CCDC144A: variants seen among roughly 807,000 people sequenced by gnomAD.
CCDC144A encodes the protein coiled-coil domain containing 144A.
CCDC144A carries 41 observed loss-of-function variants against 143.8 expected under a neutral mutation model. The ratio of observed to expected loss-of-function variants is 0.29; its 90% CI spans 0.22 to 0.37. CCDC144A has a LOEUF of 0.37. CCDC144A is among the 10% of genes least tolerant of loss of function. CCDC144A has a pLI of 1.00. For missense variants in CCDC144A, 637 were observed against 1,488.8 expected, an observed-to-expected ratio of 0.43 and a Z score of 9.41; for synonymous variants, 242 against 517.9, an observed-to-expected ratio of 0.47 and a Z score of 7.23.
intron 12 of CCDC144A, among the ~76,000 whole-genome samples, chr17:16,759,017 C>T (rs1208589415): frequency 1.3e-5 from 2 of 152,238 alleles, no homozygotes; most frequent in South Asian, 4.1e-4. Flanking sequence ...ATTTGAGGCA[C>T]CACCTTAAAT....
chr17:16,711,368 T>C (rs1280472844), intron 5 of CCDC144A, among the ~76,000 whole-genome samples: 2 of 151,824 alleles, frequency 1.3e-5, no homozygotes. Context: ...TAATACATAG[T>C]AAAGGGTGGT....
Position 16,774,854 on chromosome 17 carries a change from C to T in CCDC144A, c.*1221C>T, listed in dbSNP as rs558075816. On this transcript the variant is annotated 3_prime_UTR_variant, in exon 17 of 17. Coordinates refer to ENST00000399273, the MANE Select transcript of CCDC144A (RefSeq NM_001382000.1). ...CATTAGCTGTTCTTCACGATGCTCTCCCTTCTTTCACCCGCCACCATCCCA... is the reference window on the plus strand; with the variant it reads ...CATTAGCTGTTCTTCACGATGCTCTTCCTTCTTTCACCCGCCACCATCCCA... The T allele has an allele frequency of 3.7e-4, 53 of 143,538 alleles. 7 individuals carry two copies. Among genetic ancestry groups the T allele is most frequent in the African/African-American group, 1.5e-3 (51 of 34,490 alleles). 8.9% of individuals were successfully genotyped at this position (143,538 alleles called of 1,614,324 possible). A position where few individuals can be genotyped will look rare whatever the true frequency, so the allele number is the denominator to read the frequency against.
At chr17:16,703,509 A>T (rs1033043911) in intron 2 of CCDC144A, among the ~76,000 whole-genome samples, 1 of 152,214 alleles carries the variant, frequency 6.6e-6, no homozygotes, top group African/African-American at 2.4e-5. Flanking sequence ...AAAATATTTT[A>T]AAAACAAGCA....
the CCDC144A span, chr17:16,683,921 C>A: frequency 4.6e-6 from 6 of 1,304,384 alleles, no homozygotes; most frequent in Non-Finnish European, 6.7e-6. Context: ...GCGTAGAAAG[C>A]CACGAGCAGG....
chr17:16,681,675 A>G, the CCDC144A span, among the ~76,000 whole-genome samples: 1 of 152,044 alleles, frequency 6.6e-6, no homozygotes, highest in African/African-American at 2.4e-5. Flanking sequence ...TCTGGCCAAC[A>G]TGGAGAAACC....
rs1311389239 is a variant in CCDC144A at position 16,707,364 on chromosome 17, A to C, written c.665-105A>C. On this transcript the variant is annotated intron_variant, in intron 3 of 16. Transcript: ENST00000399273. ...AAGATCAAGCTTCATTTAAACTCTC[A>C]ATTTATGAAATAAAATGAAATGTAA... The C allele has an allele frequency of 7.8e-6, 5 of 642,320 alleles. No individual in the cohort carries two copies. In the East Asian group the frequency reaches 1.3e-4, roughly 16 times the overall value. The allele number at this position is 642,320 out of a possible 1,614,324, so 39.8% of individuals were successfully genotyped here. A position where few individuals can be genotyped will look rare whatever the true frequency, so the allele number is the denominator to read the frequency against.
intron 12 of CCDC144A, chr17:16,737,417 C>T (rs541379946): frequency 5.5e-5 from 59 of 1,067,176 alleles, no homozygotes; most frequent in African/African-American, 5.5e-4. Flanking sequence ...CCGCCCGCCT[C>T]GGCCTCCCAA....
rs2143023565 is a variant in CCDC144A at position 16,690,448 on chromosome 17, G to A, written c.48G>A (p.Pro16=). Residue 16 remains proline (P), a synonymous_variant, in exon 1 of 17, where the codon CCG becomes CCA. Transcript: ENST00000399273. ...GEKRGGAEGS[P]KPAVYATRKT... is the part of the protein sequence containing the mutation. ...AGCGGGGAGGGGCTGAGGGGTCTCC[G>A]AAGCCGGCAGTCTACGCCACGAGGA... 1 of 1,608,374 alleles carries A rather than the reference G, an allele frequency of 6.2e-7. No individual in the cohort carries two copies. The highest frequency in any genetic ancestry group is 2.2e-5 in the East Asian group (1 of 44,748).
rs1228619618 is a variant in CCDC144A at position 16,744,842 on chromosome 17, G to T, written c.3372+9199G>T. Among the ~76,000 whole-genome samples, 5 of 151,764 alleles carry T rather than the reference G, an allele frequency of 3.3e-5. 1 individual carries two copies. Among genetic ancestry groups the T allele is most frequent in the Non-Finnish European group, 7.4e-5 (5 of 67,960 alleles). ...GAAAGGAAGAAACTACAGAATGCAC[G>T]GTTTCAGAAAGCTATTTTAAGTTAT... is the stretch of plus-strand genomic sequence containing the variant. On this transcript the variant is annotated intron_variant, in intron 12 of 16. Transcript: ENST00000399273.
chr17:16,695,895 C>T (rs548673185), intron 2 of CCDC144A, among the ~76,000 whole-genome samples: 61 of 152,206 alleles, frequency 4.0e-4, no homozygotes, highest in Admixed American at 1.3e-3. Context: ...GAAGGAGCAG[C>T]GAGTGCAAAA....
chr17:16,721,809 T>G (rs1238402917), intron 8 of CCDC144A, among the ~76,000 whole-genome samples: 11 of 152,040 alleles, frequency 7.2e-5, no homozygotes, highest in Non-Finnish European at 1.3e-4. Context: ...ACAGCTGCAT[T>G]CCATTAAAAC....
At chr17:16,757,639 G>A (rs1332186871) in intron 12 of CCDC144A, among the ~76,000 whole-genome samples, 2 of 152,230 alleles carry the variant, frequency 1.3e-5, no homozygotes, top group Non-Finnish European at 2.9e-5. Context: ...TGACAGGCTT[G>A]TTCTCAGGCT....
rs749596252 is a variant in CCDC144A, at chr17:16,709,131, C to A, written c.1074C>A (p.Phe358Leu). The A allele has an allele frequency of 6.8e-6, 11 of 1,611,340 alleles. No homozygotes were observed. Reference protein sequence around the residue: ...DASEISVSVVFETFPEQKEPS... With the variant: ...DASEISVSVVLETFPEQKEPS... ...CTGAAATATCTGTCTCAGTGGTATT[C>A]GAGACATTTCCTGAACAAAAAGAAC... is the stretch of plus-strand genomic sequence containing the variant. The change falls in exon 5 of 17, where the codon TTC becomes TTA. Residue 358 changes from phenylalanine (F) to leucine (L), a missense_variant. Coordinates refer to ENST00000399273, the MANE Select transcript of CCDC144A (RefSeq NM_001382000.1).
At chr17:16,667,205 G>C in the CCDC144A span, 1 of 208,988 alleles carries the variant, frequency 4.8e-6, no homozygotes, top group Non-Finnish European at 9.7e-6. Flanking sequence ...AGCCGGGCGG[G>C]TGAGCTAACG....
rs1362679627 is a variant in CCDC144A, at chr17:16,709,084, G to C, written c.1027G>C (p.Gly343Arg). 4.3e-6 allele frequency: 7 copies of C among 1,611,528 alleles called. No homozygotes were observed. The highest frequency in any genetic ancestry group is 5.1e-6 in the Non-Finnish European group (6 of 1,179,600). Residue 343 changes from glycine (G) to arginine (R), a missense_variant, in exon 5 of 17, where the codon GGT becomes CGT. Coordinates refer to ENST00000399273, the MANE Select transcript of CCDC144A (RefSeq NM_001382000.1). ...IPFNLTNNIP[G>R]CEEEDASEIS... ...CTTTAATTTGACAAATAACATACCTGGTTGTGAGGAAGAAGATGCATCTGA... is the reference window on the plus strand; with the variant it reads ...CTTTAATTTGACAAATAACATACCTCGTTGTGAGGAAGAAGATGCATCTGA...
In CCDC144A at chr17:16,690,703, T is replaced by A; in HGVS notation, c.303T>A (p.Ala101=). Residue 101 remains alanine (A), a synonymous_variant, in exon 1 of 17, where the codon GCT becomes GCA. Transcript: ENST00000399273. ...GDVPGVEHIL[A]PGDTGVDKRD... ...TCCCTGGGGTGGAGCACATCTTAGCTCCTGGAGACACTGGCGTGGACAAGA... is the reference window on the plus strand; with the variant it reads ...TCCCTGGGGTGGAGCACATCTTAGCACCTGGAGACACTGGCGTGGACAAGA... 3.7e-6 allele frequency: 6 copies of A among 1,612,888 alleles called. No individual in the cohort carries two copies. Among genetic ancestry groups the A allele is most frequent in the Non-Finnish European group, 5.1e-6 (6 of 1,179,110 alleles).
At chr17:16,770,785 A>G (rs1250645268) in intron 15 of CCDC144A, among the ~76,000 whole-genome samples, 2 of 151,850 alleles carry the variant, frequency 1.3e-5, no homozygotes, top group African/African-American at 4.9e-5. Flanking sequence ...TGACTTTCTT[A>G]TCCCTTAATC....
chr17:16,773,285 A>G (rs1490865990), intron 16 of CCDC144A, among the ~76,000 whole-genome samples: 2 of 151,854 alleles, frequency 1.3e-5, no homozygotes, highest in African/African-American at 2.4e-5. Context: ...CCCTGCCCCT[A>G]TAAAAAATAC....
intron 12 of CCDC144A, among the ~76,000 whole-genome samples, chr17:16,744,589 A>C (rs1283143870): frequency 1.3e-5 from 2 of 152,100 alleles, no homozygotes; most frequent in Non-Finnish European, 2.9e-5. Flanking sequence ...AGTTCCTTAT[A>C]GGTTCTGGAT....
Sources: gnomAD v4.1 joint callset for allele counts (sites outside exome capture counted in the v4.1 genomes callset) on GRCh38, gnomAD v4.1.1 for gene constraint, MANE v1.5 for transcripts, NCBI Gene and HGNC (gene_info 2026-07-23, HGNC 2026-07-21) for gene names.